DIP2B: variants seen among roughly 807,000 people sequenced by gnomAD.
DIP2B encodes the protein DIP2 acetate--CoA ligase B (putative), also known as disco-interacting protein 2 homolog B.
DIP2B carries 76 observed loss-of-function variants against 198.0 expected under a neutral mutation model. That is an observed-to-expected ratio of 0.38 (90% CI 0.32 to 0.46). The LOEUF (loss-of-function observed/expected upper bound fraction) is 0.46. DIP2B is among the 20% of genes least tolerant of loss of function. The pLI is 0.99. For synonymous variants in DIP2B, 701 were observed against 739.1 expected (o/e 0.95, Z 0.84); for missense variants, 1,559 against 1,978.4 (o/e 0.79, Z 4.02).
At chr12:50,675,493 A>ATGT in intron 7 of DIP2B, 45 bp downstream of exon 7, 1 of 1,573,910 alleles carries the variant, frequency 6.4e-7, no homozygotes, top group Non-Finnish European at 8.7e-7. Context: ...AAATAAATAT[A>ATGT]TCTTAAGCAG....
chr12:50,540,053 G>GTTTTTTTTT lies in DIP2B; in HGVS notation c.100+34834_100+34842dup, dbSNP rs60978324. Among the ~76,000 whole-genome samples the GTTTTTTTTT allele has an allele frequency of 1.9e-3, 83 of 44,150 alleles. 1 individual carries two copies. Among genetic ancestry groups the GTTTTTTTTT allele is most frequent in the East Asian group, 6.3e-3 (10 of 1,594 alleles). The allele number at this position is 44,150 out of a possible 152,430, so 29.0% of individuals were successfully genotyped here. Reference sequence around the variant, plus strand: ...TGGCAGGTAGTTTAGTTGTTTCTGTGTTTTTTTTTTTTTTTTTTTTTTTTT... The same window carrying GTTTTTTTTT: ...TGGCAGGTAGTTTAGTTGTTTCTGTGTTTTTTTTTTTTTTTTTTTTTTTTTTTTTTTTTT... On this transcript the variant is annotated intron_variant, in intron 1 of 37. Coordinates refer to ENST00000301180, the MANE Select transcript of DIP2B (RefSeq NM_173602.3).
In DIP2B at chr12:50,744,901, C is replaced by T. The variant is rs1940320858; in HGVS notation, c.*62C>T. 6.3e-7 allele frequency: 1 copy of T among 1,582,116 alleles called. No individual in the cohort carries two copies. The highest frequency in any genetic ancestry group is 1.7e-5 in the Admixed American group (1 of 58,142). On this transcript the variant is annotated 3_prime_UTR_variant, in exon 38 of 38. Transcript: ENST00000301180. ...AATCACAAAGACAGAAGACCTCTGG[C>T]TAAGAGCAGGCTTCAAACGATGTGA...
intron 3 of DIP2B, among the ~76,000 whole-genome samples, chr12:50,658,072 G>A (rs1258451473): frequency 6.2e-5 from 9 of 144,738 alleles, no homozygotes; most frequent in Non-Finnish European, 1.2e-4. Context: ...AGCATACATA[G>A]CAAGACCTCA....
At chr12:50,607,540 A>G (rs1172688380) in intron 1 of DIP2B, among the ~76,000 whole-genome samples, 1 of 152,076 alleles carries the variant, frequency 6.6e-6, no homozygotes, top group Non-Finnish European at 1.5e-5. Context: ...CCTTTCTACT[A>G]CTGAAAAGAA....
At chr12:50,545,813 T>G (rs1374470406) in intron 1 of DIP2B, among the ~76,000 whole-genome samples, 3 of 152,044 alleles carry the variant, frequency 2.0e-5, no homozygotes, top group Non-Finnish European at 4.4e-5. Context: ...TTTTTTGTAT[T>G]TTTAGTAGAG....
chr12:50,706,498 T>C, intron 20 of DIP2B, 40 bp from the exon 21 acceptor site: 2 of 1,604,868 alleles, frequency 1.2e-6, no homozygotes, highest in Non-Finnish European at 1.7e-6. Flanking sequence ...TTTTACTATT[T>C]AAATCATGGA....
At chr12:50,540,561 T>G (rs1443977249) in intron 1 of DIP2B, among the ~76,000 whole-genome samples, 2 of 150,066 alleles carry the variant, frequency 1.3e-5, no homozygotes, top group Non-Finnish European at 3.0e-5. Flanking sequence ...TTTTTTTTTT[T>G]TTGTTGAGAT....
chr12:50,633,752 C>T (rs1363172951), intron 2 of DIP2B, among the ~76,000 whole-genome samples: 2 of 152,052 alleles, frequency 1.3e-5, no homozygotes, highest in Non-Finnish European at 2.9e-5. Context: ...GTTGACAGAG[C>T]GAGACCCTGT....
chr12:50,621,331 T>G (rs866881622), intron 1 of DIP2B, among the ~76,000 whole-genome samples: 1 of 152,256 alleles, frequency 6.6e-6, no homozygotes. Flanking sequence ...AAGCATTGCT[T>G]TTTTGTTCAC....
At chr12:50,575,602 A>C (rs577735767) in intron 1 of DIP2B, among the ~76,000 whole-genome samples, 94 of 152,160 alleles carry the variant, frequency 6.2e-4, no homozygotes, top group Admixed American at 1.8e-3. Flanking sequence ...CGCCCAGGCT[A>C]GTCTTGAATT....
chr12:50,740,522 T>C (rs1205075528), intron 36 of DIP2B, among the ~76,000 whole-genome samples: 1 of 152,246 alleles, frequency 6.6e-6, no homozygotes, highest in Non-Finnish European at 1.5e-5. Flanking sequence ...AAGCACCCAT[T>C]AGTCATTCAC....
In DIP2B at chr12:50,714,489, C is replaced by T. The variant is rs369371989; in HGVS notation, c.2744C>T (p.Ser915Phe). ...ACTCCACTAGGAGGAATCCATATAT[C>T]TCAGACGAAACAACTCTTTCTGGAG... is the stretch of plus-strand genomic sequence containing the variant. The part of the protein sequence containing the change: ...PKTPLGGIHI[S>F]QTKQLFLEGS... The change falls in exon 23 of 38, where the codon TCT becomes TTT. Residue 915 changes from serine to phenylalanine, a missense_variant. Physicochemically the swap from Ser to Phe is radical, Grantham distance 155 (BLOSUM62 -2). Coordinates refer to ENST00000301180, the MANE Select transcript of DIP2B (RefSeq NM_173602.3). 8.7e-6 allele frequency: 14 copies of T among 1,614,076 alleles called. No homozygotes were observed. The highest frequency in any genetic ancestry group is 1.3e-5 in the African/African-American group (1 of 74,924).
intron 1 of DIP2B, among the ~76,000 whole-genome samples, chr12:50,567,691 C>T (rs1370076311): frequency 6.6e-6 from 1 of 152,086 alleles, no homozygotes; most frequent in Non-Finnish European, 1.5e-5. Context: ...CCATGCTTGG[C>T]TAATTTTTGT....
intron 2 of DIP2B, among the ~76,000 whole-genome samples, chr12:50,628,935 G>C (rs943903172): frequency 2.0e-5 from 3 of 152,158 alleles, no homozygotes; most frequent in Admixed American, 1.3e-4. Flanking sequence ...CTGGAGTGCA[G>C]TGGTGTGATC....
intron 1 of DIP2B, among the ~76,000 whole-genome samples, chr12:50,539,312 A>G (rs1428825332): frequency 1.3e-5 from 2 of 150,030 alleles, no homozygotes; most frequent in Non-Finnish European, 3.0e-5. Flanking sequence ...ATGGAATATT[A>G]CATACAAAAG....
At chr12:50,624,984 C>A (rs1937904404) in intron 1 of DIP2B, among the ~76,000 whole-genome samples, 1 of 152,120 alleles carries the variant, frequency 6.6e-6, no homozygotes, top group Admixed American at 6.5e-5. Context: ...TGCTTTTTTC[C>A]CCTAATAAGT....
chr12:50,697,214 C>A (rs1939328373), intron 17 of DIP2B, 39 bp downstream of exon 17: 1 of 1,574,294 alleles, frequency 6.4e-7, no homozygotes, highest in Non-Finnish European at 8.7e-7. Context: ...ATGTATGTTA[C>A]AACTTGGATG....
chr12:50,729,458 A>C (rs1939997305), intron 30 of DIP2B, among the ~76,000 whole-genome samples: 1 of 152,182 alleles, frequency 6.6e-6, no homozygotes, highest in Admixed American at 6.5e-5. Context: ...CCAGAGGTGG[A>C]GACCACACCA....
At chr12:50,705,232 C>T (rs1032338625) in intron 20 of DIP2B, among the ~76,000 whole-genome samples, 1 of 152,172 alleles carries the variant, frequency 6.6e-6, no homozygotes, top group Non-Finnish European at 1.5e-5. Context: ...CACTTAACAT[C>T]TTCAGTCATA....
Sources: gnomAD v4.1 joint callset for allele counts (sites outside exome capture counted in the v4.1 genomes callset) on GRCh38, gnomAD v4.1.1 for gene constraint, MANE v1.5 for transcripts, NCBI Gene and HGNC (gene_info 2026-07-23, HGNC 2026-07-21) for gene names.